The following METTL15 variants were observed in gnomAD, a reference collection of about 807,000 sequenced individuals.
METTL15 encodes methyltransferase 15, mitochondrial 12S rRNA N4-cytidine.
A neutral mutation model predicts 38.3 loss-of-function variants in METTL15; 34 were observed. The observed-to-expected ratio is 0.89, with a 90% CI of 0.68 to 1.18. METTL15 has a LOEUF of 1.18. METTL15 is among the 50% of genes most tolerant of loss of function. The probability of loss-of-function intolerance (pLI) is 0.00; values close to 1 mark genes in which losing one functional copy is unlikely to be tolerated. For missense variants in METTL15, 438 were observed against 498.4 expected (o/e 0.88, Z 1.15); for synonymous variants, 162 against 170.9 (o/e 0.95, Z 0.41).
chr11:28,356,249 T>G (rs1850088826), intron 4 of METTL15, among the ~76,000 whole-genome samples: 1 of 152,218 alleles, frequency 6.6e-6, no homozygotes, highest in Non-Finnish European at 1.5e-5. Flanking sequence ...TTTATGTATT[T>G]GCTTCACTAT....
At chr11:28,441,059 C>CT (rs35401554) in intron 6 of METTL15, among the ~76,000 whole-genome samples, 56,188 of 141,564 alleles carry the variant, frequency 0.4, 12,690 homozygotes, top group Admixed American at 0.51. Context: ...TATGACACTA[C>CT]TTTTTTTTTT....
intron 5 of METTL15, among the ~76,000 whole-genome samples, chr11:28,409,859 A>T (rs1026242512): frequency 7.2e-5 from 11 of 152,140 alleles, no homozygotes; most frequent in Non-Finnish European, 1.0e-4. Flanking sequence ...TTTTTGAAAA[A>T]GTAAAATCAA....
chr11:28,211,362 A>G (rs1373462892), intron 4 of METTL15, among the ~76,000 whole-genome samples, 164 bp downstream of exon 4: 1 of 152,038 alleles, frequency 6.6e-6, no homozygotes, highest in Non-Finnish European at 1.5e-5. Context: ...TGTTTTTAGT[A>G]CCACTTAAAG....
intron 4 of METTL15, among the ~76,000 whole-genome samples, chr11:28,352,953 T>C (rs1197941752): frequency 6.6e-6 from 1 of 152,168 alleles, no homozygotes; most frequent in African/African-American, 2.4e-5. Flanking sequence ...GTTAAAGTGT[T>C]AAGAGATGGT....
At chr11:28,499,767 C>T (rs1166676848) in intron 6 of METTL15, among the ~76,000 whole-genome samples, 1 of 152,162 alleles carries the variant, frequency 6.6e-6, no homozygotes, top group Non-Finnish European at 1.5e-5. Context: ...AGTACAGGGA[C>T]TCTCAAAAAT....
chr11:28,328,247 A>T (rs1279931266), intron 6 of METTL15: 1 of 1,314,696 alleles, frequency 7.6e-7, no homozygotes, highest in Non-Finnish European at 1.1e-6. Context: ...TAAATCCCCT[A>T]GTGTCTAACA....
intron 3 of METTL15, chr11:28,163,534 T>G (rs2133747483): frequency 5.1e-6 from 2 of 394,610 alleles, no homozygotes; most frequent in South Asian, 2.6e-4. Flanking sequence ...TACTGATCTC[T>G]CTCTCTCTCT....
intron 6 of METTL15, among the ~76,000 whole-genome samples, chr11:28,489,255 G>T (rs975048767): frequency 1.3e-5 from 2 of 152,110 alleles, no homozygotes; most frequent in African/African-American, 4.8e-5. Flanking sequence ...CCCTTCCTAT[G>T]CAGTGGATAT....
chr11:28,286,575 G>A (rs544381393), intron 4 of METTL15, among the ~76,000 whole-genome samples: 3 of 152,136 alleles, frequency 2.0e-5, no homozygotes, highest in South Asian at 4.1e-4. Context: ...GGGAGTACTA[G>A]GGACAAAAGT....
chr11:28,480,340 T>C (rs1392472323), intron 6 of METTL15, among the ~76,000 whole-genome samples: 1 of 152,234 alleles, frequency 6.6e-6, no homozygotes, highest in Non-Finnish European at 1.5e-5. Context: ...GAAAGGGATG[T>C]GCCTTAGTGT....
At chr11:28,451,409 C>A (rs955955011) in intron 6 of METTL15, among the ~76,000 whole-genome samples, 1 of 151,848 alleles carries the variant, frequency 6.6e-6, no homozygotes, top group African/African-American at 2.4e-5. Flanking sequence ...CACGGTGAAA[C>A]CCCGTCTCTA....
At chr11:28,383,981 C>A (rs1237118812) in intron 5 of METTL15, among the ~76,000 whole-genome samples, 2 of 151,994 alleles carry the variant, frequency 1.3e-5, no homozygotes, top group Non-Finnish European at 2.9e-5. Flanking sequence ...CTCAAGTAGG[C>A]CCCAGTGTCT....
chr11:28,431,789 TTAAAAAA>T (rs1850931249), intron 6 of METTL15, among the ~76,000 whole-genome samples: 2 of 9,952 alleles, frequency 2.0e-4, no homozygotes, highest in Admixed American at 1.7e-3. Flanking sequence ...AAAAATAAAT[TTAAAAAA>T]AAAAAAAAAA....
chr11:28,210,052 C>G (rs1208207756), intron 3 of METTL15, among the ~76,000 whole-genome samples: 3 of 151,950 alleles, frequency 2.0e-5, no homozygotes, highest in Non-Finnish European at 2.9e-5. Flanking sequence ...AAACTAGTTA[C>G]AATCAACTAA....
chr11:28,371,548 TC>T (rs1850243398), intron 5 of METTL15, among the ~76,000 whole-genome samples: 1 of 152,064 alleles, frequency 6.6e-6, no homozygotes, highest in Non-Finnish European at 1.5e-5. Context: ...AGGAATGTTT[TC>T]TTCTATTTCT....
chr11:28,252,103 A>G (rs906277509), intron 4 of METTL15, among the ~76,000 whole-genome samples: 1 of 152,318 alleles, frequency 6.6e-6, no homozygotes, highest in Admixed American at 6.5e-5. Flanking sequence ...TGTGCAAGGC[A>G]TGCTCTCAAT....
At chr11:28,170,379 A>T (rs1320612202) in intron 3 of METTL15, among the ~76,000 whole-genome samples, 1 of 152,096 alleles carries the variant, frequency 6.6e-6, no homozygotes, top group Non-Finnish European at 1.5e-5. Flanking sequence ...GCGGAAAGGG[A>T]TCTCAATCCA....
intron 6 of METTL15, among the ~76,000 whole-genome samples, chr11:28,516,069 G>T (rs143604667): frequency 1.3e-5 from 2 of 152,280 alleles, no homozygotes; most frequent in South Asian, 2.1e-4. Context: ...AACATGTTGG[G>T]TTATTACAAA....
intron 6 of METTL15, among the ~76,000 whole-genome samples, chr11:28,454,880 G>A (rs1851154579): frequency 1.3e-5 from 2 of 152,264 alleles, no homozygotes; most frequent in East Asian, 1.9e-4. Context: ...TAAAGGTTTG[G>A]AAAGCACAAG....
Sources: gnomAD v4.1 joint callset for allele counts (sites outside exome capture counted in the v4.1 genomes callset) on GRCh38, gnomAD v4.1.1 for gene constraint, MANE v1.5 for transcripts, NCBI Gene and HGNC (gene_info 2026-07-23, HGNC 2026-07-21) for gene names.